CSK: variants seen among roughly 807,000 people sequenced by gnomAD.
CSK encodes C-terminal Src kinase.
CSK carries 7 observed loss-of-function variants against 62.3 expected under a neutral mutation model. That is an observed-to-expected ratio of 0.11 (90% CI 0.06 to 0.21). The LOEUF (loss-of-function observed/expected upper bound fraction) is 0.21. CSK is among the 10% of genes least tolerant of loss of function. The pLI, the probability that CSK is intolerant of heterozygous loss-of-function variation, is 1.00. For missense variants in CSK, 294 were observed against 613.5 expected (o/e 0.48, Z 5.50); for synonymous variants, 237 against 246.0 (o/e 0.96, Z 0.34).
chr15:74,795,333 C>G (rs530479357), intron 1 of CSK, among the ~76,000 whole-genome samples: 1 of 152,032 alleles, frequency 6.6e-6, no homozygotes, highest in Non-Finnish European at 1.5e-5. Flanking sequence ...AGCAAGACTC[C>G]GTCGCAATAA....
At chr15:74,786,013 T>TTTTTTTGTGTGTGTGTGTG in intron 1 of CSK, among the ~76,000 whole-genome samples, 87 of 47,824 alleles carry the variant, frequency 1.8e-3, no homozygotes, top group African/African-American at 5.3e-3. Flanking sequence ...TTTTTTTTTT[T>TTTTTTTGTGTGTGTGTGTG]TGTGTGTGTG....
chr15:74,789,927 A>G lies in CSK; in HGVS notation c.-66+7207A>G, dbSNP rs562995564. ...CCCAGCATCCAGCCCTGGCTTGTGC[A>G]CAGAGGAGAGGTGTGTGAGTGGTGA... On this transcript the variant is annotated intron_variant, in intron 1 of 12. Coordinates refer to ENST00000220003, the MANE Select transcript of CSK (RefSeq NM_004383.3). Among the ~76,000 whole-genome samples, 150 of 152,288 alleles carry G rather than the reference A, an allele frequency of 9.8e-4. 1 individual carries two copies. The highest frequency in any genetic ancestry group is 2.1e-4 in the Non-Finnish European group (14 of 68,018).
intron 1 of CSK, among the ~76,000 whole-genome samples, chr15:74,786,013 T>TTTTTTTGTGTGTG: frequency 1.0e-4 from 5 of 47,814 alleles, no homozygotes; most frequent in Admixed American, 3.0e-4. Flanking sequence ...TTTTTTTTTT[T>TTTTTTTGTGTGTG]TGTGTGTGTG....
At chr15:74,788,834 TA>T (rs1244615821) in intron 1 of CSK, 4 of 154,090 alleles carry the variant, frequency 2.6e-5, no homozygotes, top group African/African-American at 9.6e-5. Context: ...TGAGAGGCTA[TA>T]TGCAAATGCA....
intron 1 of CSK, among the ~76,000 whole-genome samples, chr15:74,789,052 G>C (rs1348623596): frequency 1.3e-5 from 2 of 152,186 alleles, no homozygotes; most frequent in Non-Finnish European, 2.9e-5. Context: ...CCATTAGCCT[G>C]CTCTAACCCC....
chr15:74,799,670 C>T (rs189979750), intron 5 of CSK, among the ~76,000 whole-genome samples, 179 bp downstream of exon 5: 2 of 152,292 alleles, frequency 1.3e-5, no homozygotes, highest in East Asian at 3.9e-4. Context: ...CAGGACTCAC[C>T]TCTGACCCCA....
At chr15:74,785,131 CTG>C (rs1488391632) in intron 1 of CSK, among the ~76,000 whole-genome samples, 2 of 152,224 alleles carry the variant, frequency 1.3e-5, no homozygotes, top group African/African-American at 4.8e-5. Context: ...CAGGCAGTGA[CTG>C]TGTTAGCATT....
chr15:74,784,206 G>GT (rs1454472652), intron 1 of CSK, among the ~76,000 whole-genome samples: 1 of 152,058 alleles, frequency 6.6e-6, no homozygotes, highest in Non-Finnish European at 1.5e-5. Context: ...ACGATTTAGG[G>GT]TTTTTTTGTT....
intron 1 of CSK, among the ~76,000 whole-genome samples, chr15:74,791,154 A>G (rs2063614539): frequency 6.6e-6 from 1 of 152,174 alleles, no homozygotes. Flanking sequence ...CTGTCTTTCC[A>G]AAGATAATCG....
intron 1 of CSK, among the ~76,000 whole-genome samples, chr15:74,796,945 T>C (rs545884690): frequency 4.6e-5 from 7 of 152,268 alleles, no homozygotes; most frequent in East Asian, 1.9e-4. Flanking sequence ...TTTATTTATT[T>C]ATTCATTCAT....
Position 74,798,443 on chromosome 15 carries a change from C to A in CSK, c.15+131C>A. On this transcript the variant is annotated intron_variant, in intron 2 of 12. Transcript: ENST00000220003. The surrounding 1 kb of genome is among the most constrained non-coding windows in gnomAD (Gnocchi z 6.6). The stretch of plus-strand genomic sequence containing the variant: ...TTCCCAGCACTCAGTCAGGTACAGG[C>A]CTGGGGAAGTGGGGGAGTCTCAACA... The A allele has an allele frequency of 7.5e-7, 1 of 1,338,314 alleles. No individual in the cohort carries two copies. The highest frequency in any genetic ancestry group is 1.0e-6 in the Non-Finnish European group (1 of 953,520). The allele number at this position is 1,338,314 out of a possible 1,614,324, so 82.9% of individuals were successfully genotyped here.
rs1371976972 is a variant in CSK at position 74,798,467 on chromosome 15, C to T, written c.16-148C>T. 1 of 1,232,804 alleles carries T rather than the reference C, an allele frequency of 8.1e-7. No individual in the cohort carries two copies. The highest frequency in any genetic ancestry group is 2.0e-5 in the Admixed American group (1 of 50,704). 76.4% of individuals were successfully genotyped at this position (1,232,804 alleles called of 1,614,324 possible). ...GCCTGGGGAAGTGGGGGAGTCTCAACAGGAAGGGACCCAGGGCTCGTTCTC... is the reference window on the plus strand; with the variant it reads ...GCCTGGGGAAGTGGGGGAGTCTCAATAGGAAGGGACCCAGGGCTCGTTCTC... On this transcript the variant is annotated intron_variant, in intron 2 of 12. Coordinates refer to ENST00000220003, the MANE Select transcript of CSK (RefSeq NM_004383.3). This position sits in a 1 kb window ranked among gnomAD's most constrained non-coding sequence, Gnocchi z 6.6.
At position 74,798,346 on chromosome 15, in the gene CSK, C is replaced by G; in HGVS notation, c.15+34C>G. The G allele has an allele frequency of 6.3e-7, 1 of 1,592,164 alleles. No individual in the cohort carries two copies. The highest frequency in any genetic ancestry group is 8.6e-7 in the Non-Finnish European group (1 of 1,166,758). On this transcript the variant is annotated intron_variant, in intron 2 of 12. Coordinates refer to ENST00000220003, the MANE Select transcript of CSK (RefSeq NM_004383.3). This position sits in a 1 kb window ranked among gnomAD's most constrained non-coding sequence, Gnocchi z 6.6. ...GGGGTGAGGGTCTGGGACATGCAAG[C>G]ATTCCCACCAGCCCCAGCGGGGTGC...
At chr15:74,785,816 A>C (rs1401730763) in intron 1 of CSK, among the ~76,000 whole-genome samples, 1 of 151,920 alleles carries the variant, frequency 6.6e-6, no homozygotes, top group African/African-American at 2.4e-5. Context: ...CTAGAATACT[A>C]TGGCCAGTGC....
Position 74,801,614 on chromosome 15 carries a change from T to G in CSK, c.887+19T>G. The G allele has an allele frequency of 6.2e-7, 1 of 1,613,384 alleles. No homozygotes were observed. Among genetic ancestry groups the G allele is most frequent in the Non-Finnish European group, 8.5e-7 (1 of 1,179,540 alleles). On this transcript the variant is annotated intron_variant, in intron 10 of 12. Coordinates refer to ENST00000220003, the MANE Select transcript of CSK (RefSeq NM_004383.3). ...TCTCGCTGTGAGTGAAGCAGCCTCTTGGATGGGTAGGGTTTGAGGGGTACC... is the reference window on the plus strand; with the variant it reads ...TCTCGCTGTGAGTGAAGCAGCCTCTGGGATGGGTAGGGTTTGAGGGGTACC...
At chr15:74,788,024 A>G (rs1472443741) in intron 1 of CSK, among the ~76,000 whole-genome samples, 1 of 152,204 alleles carries the variant, frequency 6.6e-6, no homozygotes, top group Non-Finnish European at 1.5e-5. Context: ...CAGAGCTGGT[A>G]GGAGCTCTGA....
At chr15:74,787,778 G>T (rs189641736) in intron 1 of CSK, among the ~76,000 whole-genome samples, 1 of 152,140 alleles carries the variant, frequency 6.6e-6, no homozygotes. Flanking sequence ...AAGCCTCGTG[G>T]GCAGGCGAAA....
intron 1 of CSK, among the ~76,000 whole-genome samples, chr15:74,789,249 C>T (rs752765588): frequency 1.3e-5 from 2 of 152,210 alleles, no homozygotes; most frequent in Non-Finnish European, 2.9e-5. Flanking sequence ...GGAGCCAGAG[C>T]AGGCATTCTT....
chr15:74,786,042 T>TGTGTGTGTGTGTGTGA lies in CSK; in HGVS notation c.-66+3323_-66+3324insTGTGTGTGTGTGTGAG, dbSNP rs1316590295. 2.3e-3 allele frequency among the ~76,000 whole-genome samples: 266 copies of TGTGTGTGTGTGTGTGA among 114,826 alleles called. 4 individuals are homozygous for TGTGTGTGTGTGTGTGA. The highest frequency in any genetic ancestry group is 6.7e-3 in the African/African-American group (226 of 33,942). The allele number at this position is 114,826 out of a possible 152,430, so 75.3% of individuals were successfully genotyped here. A position where few individuals can be genotyped will look rare whatever the true frequency, so the allele number is the denominator to read the frequency against. On this transcript the variant is annotated intron_variant, in intron 1 of 12. Transcript: ENST00000220003. ...GTGTGTGTGTGTGTGTGTGTGTGTG[T>TGTGTGTGTGTGTGTGA]GAGATGGAGTTTTGCTCTTGTTGCC...
Sources: gnomAD v4.1 joint callset for allele counts (sites outside exome capture counted in the v4.1 genomes callset) on GRCh38, gnomAD v4.1.1 for gene constraint, Gnocchi (gnomAD v3.1) non-coding constraint, MANE v1.5 for transcripts, NCBI Gene and HGNC (gene_info 2026-07-23, HGNC 2026-07-21) for gene names.